Variants in STAM observed in about 807,000 individuals in gnomAD.
The protein encoded by STAM is signal transducing adapter molecule 1.
In STAM, 16 loss-of-function variants were observed where a neutral mutation model predicts 63.4. That is an observed-to-expected ratio of 0.25 (90% confidence interval 0.17 to 0.38). STAM has a LOEUF of 0.38. Among genes scored for constraint, STAM ranks in the 10% least tolerant of loss-of-function variants. The probability of loss-of-function intolerance (pLI) is 1.00; values close to 1 mark genes in which losing one functional copy is unlikely to be tolerated. For missense variants in STAM, 636 were observed against 657.1 expected, an observed-to-expected ratio of 0.97 and a Z score of 0.35; for synonymous variants, 238 against 223.9, an observed-to-expected ratio of 1.06 and a Z score of -0.56.
chr10:17,665,138 A>G (rs1554823272), intron 2 of STAM, among the ~76,000 whole-genome samples: 1 of 150,420 alleles, frequency 6.6e-6, no homozygotes, highest in African/African-American at 2.5e-5. Flanking sequence ...AACTGTGACC[A>G]GGAAACATGG....
chr10:17,692,094 G>A (rs1327304705), intron 5 of STAM, among the ~76,000 whole-genome samples: 1 of 152,192 alleles, frequency 6.6e-6, no homozygotes, highest in Non-Finnish European at 1.5e-5. Context: ...CCCATGAGGT[G>A]TAGGTGCTAT....
intron 2 of STAM, among the ~76,000 whole-genome samples, chr10:17,666,561 ATT>A (rs1220417089): frequency 6.0e-5 from 9 of 150,464 alleles, no homozygotes; most frequent in Non-Finnish European, 8.9e-5. Context: ...TGCCCAGCTA[ATT>A]TTTTTTTGTA....
intron 1 of STAM, among the ~76,000 whole-genome samples, chr10:17,658,271 T>C (rs1254136118): frequency 1.3e-5 from 2 of 152,196 alleles, no homozygotes; most frequent in African/African-American, 2.4e-5. Flanking sequence ...CTTTCTGTTA[T>C]TGATTTCTAG....
At chr10:17,654,772 A>C (rs576315339) in intron 1 of STAM, among the ~76,000 whole-genome samples, 7 of 152,308 alleles carry the variant, frequency 4.6e-5, no homozygotes, top group Admixed American at 2.0e-4. Flanking sequence ...TATTGGTGAT[A>C]GATTAATATT....
chr10:17,657,711 G>C (rs1833995876), intron 1 of STAM, among the ~76,000 whole-genome samples: 2 of 152,080 alleles, frequency 1.3e-5, no homozygotes, highest in Non-Finnish European at 1.5e-5. Context: ...CAAGGCATTG[G>C]TCCATTTCAT....
In STAM at chr10:17,696,838, G is replaced by C; in HGVS notation, c.792G>C (p.Val264=). The change falls in exon 8 of 14, where the codon GTG becomes GTC. Residue 264 remains valine (V), a synonymous_variant. Coordinates refer to ENST00000377524, the MANE Select transcript of STAM (RefSeq NM_003473.4). ...TAGGGTTATTTCCTTCTAATTTTGTGACTGCAGATCTCACTGCTGAACCAG... is the reference window on the plus strand; with the variant it reads ...TAGGGTTATTTCCTTCTAATTTTGTCACTGCAGATCTCACTGCTGAACCAG... ...QGIGLFPSNF[V]TADLTAEPEM... is the part of the protein sequence containing the mutation. 6.2e-7 allele frequency: 1 copy of C among 1,613,998 alleles called. No individual in the cohort carries two copies. The highest frequency in any genetic ancestry group is 8.5e-7 in the Non-Finnish European group (1 of 1,179,892).
intron 2 of STAM, among the ~76,000 whole-genome samples, chr10:17,662,308 T>G (rs1554822978): frequency 6.6e-6 from 1 of 152,186 alleles, no homozygotes; most frequent in African/African-American, 2.4e-5. Flanking sequence ...TCCTTTTGTT[T>G]CTTGAGGATG....
At position 17,688,034 on chromosome 10, in the gene STAM, C is replaced by T; in HGVS notation, c.305C>T (p.Pro102Leu). 1 of 1,589,956 alleles carries T rather than the reference C, an allele frequency of 6.3e-7. No homozygotes were observed. The highest frequency in any genetic ancestry group is 8.5e-7 in the Non-Finnish European group (1 of 1,170,372). ...EVSNVLNKGH[P>L]KVCEKLKALM... ...TCTTTTTCTATTTTACAGGGTCATCCTAAAGTATGTGAAAAATTAAAGGCT... is the reference window on the plus strand; with the variant it reads ...TCTTTTTCTATTTTACAGGGTCATCTTAAAGTATGTGAAAAATTAAAGGCT... Residue 102 changes from proline (P) to leucine (L), a missense_variant, in exon 5 of 14, where the codon CCT (proline) becomes CTT (leucine). Pro to Leu is a moderately conservative substitution (Grantham distance 98). Transcript: ENST00000377524.
chr10:17,672,486 A>T (rs1184945777), intron 2 of STAM, among the ~76,000 whole-genome samples: 1 of 152,090 alleles, frequency 6.6e-6, no homozygotes, highest in Non-Finnish European at 1.5e-5. Flanking sequence ...GTGCCTGCCA[A>T]TTCATTTAGT....
At chr10:17,645,425 A>G (rs558467677) in intron 1 of STAM, among the ~76,000 whole-genome samples, 87 of 152,350 alleles carry the variant, frequency 5.7e-4, no homozygotes, top group African/African-American at 2.1e-3. Context: ...GGAAGTTTAT[A>G]TAAGAGTAGA....
rs1001855984 is a variant in STAM, at chr10:17,716,158, G to A, written c.*1378G>A. 3.9e-5 allele frequency among the ~76,000 whole-genome samples: 6 copies of A among 152,128 alleles called. No individual in the cohort carries two copies. The highest frequency in any genetic ancestry group is 1.3e-4 in the Admixed American group (2 of 15,274). On this transcript the variant is annotated 3_prime_UTR_variant, in exon 14 of 14. Coordinates refer to ENST00000377524, the MANE Select transcript of STAM (RefSeq NM_003473.4). ...ATTATTTTAGCACTATTTAAACAAC[G>A]GAAAAGTTGAGTCGAACATCATATT...
chr10:17,713,785 C>T (rs1475903550), intron 13 of STAM, among the ~76,000 whole-genome samples: 2 of 152,156 alleles, frequency 1.3e-5, no homozygotes, highest in East Asian at 3.9e-4. Flanking sequence ...CCAGAGGGAG[C>T]CCGTTAAACC....
At chr10:17,683,973 G>A (rs1554825789) in intron 2 of STAM, among the ~76,000 whole-genome samples, 2 of 152,188 alleles carry the variant, frequency 1.3e-5, no homozygotes, top group Admixed American at 1.3e-4. Context: ...CAGTATGTAG[G>A]TATGATTGAG....
chr10:17,672,325 T>A (rs1316993848), intron 2 of STAM, among the ~76,000 whole-genome samples: 1 of 152,240 alleles, frequency 6.6e-6, no homozygotes, highest in Non-Finnish European at 1.5e-5. Flanking sequence ...ATTTCACTTT[T>A]CTTGGAAAAG....
chr10:17,712,476 A>T (rs553470616), intron 13 of STAM, among the ~76,000 whole-genome samples: 2 of 152,376 alleles, frequency 1.3e-5, no homozygotes, highest in South Asian at 4.1e-4. Context: ...ATGTAGCATT[A>T]AATTACCGTC....
chr10:17,666,635 G>T (rs1834398588), intron 2 of STAM, among the ~76,000 whole-genome samples: 1 of 152,056 alleles, frequency 6.6e-6, no homozygotes, highest in African/African-American at 2.4e-5. Context: ...CTGACCTTGT[G>T]ATCTGCCCGC....
At chr10:17,660,597 C>A in intron 2 of STAM, 49 bp downstream of exon 2, 1 of 1,467,448 alleles carries the variant, frequency 6.8e-7, no homozygotes, top group Non-Finnish European at 9.3e-7. Flanking sequence ...TTTTAAAAAA[C>A]ACGAAAGGCC....
chr10:17,655,078 T>TC (rs1213329684), intron 1 of STAM, among the ~76,000 whole-genome samples: 3 of 152,212 alleles, frequency 2.0e-5, no homozygotes, highest in African/African-American at 7.2e-5. Flanking sequence ...CCTTCCTGAT[T>TC]CTCCTCTTCT....
chr10:17,680,405 T>C (rs1835034620), intron 2 of STAM, among the ~76,000 whole-genome samples: 2 of 151,256 alleles, frequency 1.3e-5, no homozygotes, highest in Admixed American at 6.6e-5. Flanking sequence ...CTGTCTATGA[T>C]TTTGACTACT....
Sources: allele counts gnomAD v4.1 joint callset (sites outside exome capture counted in the v4.1 genomes callset), GRCh38; gene constraint gnomAD v4.1.1; transcripts MANE v1.5; gene names NCBI Gene and HGNC (gene_info 2026-07-23, HGNC 2026-07-21).